NDRG3: variants seen among roughly 807,000 people sequenced by gnomAD.
The protein encoded by NDRG3 is protein NDRG3.
In NDRG3, 23 loss-of-function variants were observed where a neutral mutation model predicts 57.2. The observed-to-expected ratio is 0.40, with a 90% CI of 0.29 to 0.57. NDRG3 has a LOEUF of 0.57. NDRG3 is among the 20% of genes least tolerant of loss of function. The pLI is 0.42. For synonymous variants in NDRG3, 132 were observed against 162.6 expected (o/e 0.81, Z 1.43); for missense variants, 384 against 457.3 (o/e 0.84, Z 1.46).
At chr20:36,727,047 G>T (rs1984981071) in intron 1 of NDRG3, among the ~76,000 whole-genome samples, 1 of 151,788 alleles carries the variant, frequency 6.6e-6, no homozygotes. Context: ...CTCCCAAGTA[G>T]CTGGGACTAT....
chr20:36,731,603 C>T (rs761326792), intron 1 of NDRG3, among the ~76,000 whole-genome samples: 5 of 150,916 alleles, frequency 3.3e-5, no homozygotes, highest in Non-Finnish European at 7.4e-5. Flanking sequence ...GTCAGGAGAT[C>T]GAGACCATCC....
chr20:36,727,743 G>T (rs542066591), intron 1 of NDRG3, among the ~76,000 whole-genome samples: 1 of 151,546 alleles, frequency 6.6e-6, no homozygotes, highest in Non-Finnish European at 1.5e-5. Context: ...GAGTTTCACC[G>T]TGTTAGCCAG....
chr20:36,721,861 C>A (rs1264648620), intron 1 of NDRG3, 78 bp from the exon 2 acceptor site: 7 of 652,932 alleles, frequency 1.1e-5, no homozygotes, highest in Admixed American at 8.3e-5. Context: ...TACACCCATT[C>A]ATTCAAATAT....
intron 3 of NDRG3, among the ~76,000 whole-genome samples, chr20:36,698,958 T>C (rs1460127154): frequency 3.3e-5 from 5 of 152,178 alleles, no homozygotes; most frequent in African/African-American, 9.6e-5. Context: ...CATATATATT[T>C]AGAGACAGGA....
At position 36,666,333 on chromosome 20, in the gene NDRG3, G is replaced by A; in HGVS notation, c.648C>T (p.Asp216=). 6.2e-7 allele frequency: 1 copy of A among 1,614,178 alleles called. No homozygotes were observed. The highest frequency in any genetic ancestry group is 8.5e-7 in the Non-Finnish European group (1 of 1,179,988). The change falls in exon 10 of 16, where the codon GAC becomes GAT. Residue 216 remains aspartate, a synonymous_variant. Coordinates refer to ENST00000349004, the MANE Select transcript of NDRG3 (RefSeq NM_032013.4). The part of the protein sequence containing the change: ...IQTYRMHIAQ[D]INQDNLQLFL... ...AGAGCTGCAGGTTGTCTTGGTTGAT[G>A]TCTTGGGCAATATGCATTCTGTAGG...
chr20:36,745,636 C>A (rs1304201814), intron 1 of NDRG3, among the ~76,000 whole-genome samples: 2 of 152,234 alleles, frequency 1.3e-5, no homozygotes, highest in Non-Finnish European at 2.9e-5. Flanking sequence ...CACGGCCCCT[C>A]TTCCAAGCAT....
chr20:36,729,628 A>C (rs1838524566), intron 1 of NDRG3, among the ~76,000 whole-genome samples: 1 of 152,054 alleles, frequency 6.6e-6, no homozygotes, highest in Non-Finnish European at 1.5e-5. Context: ...TCCAGGCTCA[A>C]GCCATTCTCT....
rs934087401 is a variant in NDRG3 at position 36,724,018 on chromosome 20, A to G, written c.-48-2235T>C. ...CACTGCGCCCGGCCTAGTGTACTAT[A>G]TTAATCCACTTTTCTGTTTACCTTC... On this transcript the variant is annotated intron_variant, in intron 1 of 15. Coordinates refer to ENST00000349004, the MANE Select transcript of NDRG3 (RefSeq NM_032013.4). Among the ~76,000 whole-genome samples the G allele has an allele frequency of 5.3e-5, 8 of 152,162 alleles. No individual in the cohort carries two copies. In the South Asian group the frequency reaches 1.2e-3, roughly 24 times the overall value.
rs937080982 is a variant in NDRG3, at chr20:36,674,292, C to T, written c.532-2895G>A. On this transcript the variant is annotated intron_variant, in intron 8 of 15. Transcript: ENST00000349004. ...TTGACTCACTGCAAACTTTGCCTCCCGGGTTCAAGTGATTCTCCTCCTACC... is the reference window on the plus strand; with the variant it reads ...TTGACTCACTGCAAACTTTGCCTCCTGGGTTCAAGTGATTCTCCTCCTACC... 9.3e-5 allele frequency among the ~76,000 whole-genome samples: 14 copies of T among 151,058 alleles called. No homozygotes were observed. The East Asian group carries it at 1.6e-3, about 17-fold the overall frequency.
rs1252453430 is a variant in NDRG3, at chr20:36,739,133, TCAAAAAAAAAA to T, written c.-49+6901_-49+6911del. 1.5e-3 allele frequency among the ~76,000 whole-genome samples: 47 copies of T among 31,518 alleles called. 1 individual carries two copies. The East Asian group carries it at 0.037, about 25-fold the overall frequency. 20.7% of individuals were successfully genotyped at this position (31,518 alleles called of 152,430 possible). ...CTGGGTGACAAAACGAGACCCCATC[TCAAAAAAAAAA>T]AAAAAAAAAAAAAAAAAAAAAAGGC... is the stretch of plus-strand genomic sequence containing the variant. On this transcript the variant is annotated intron_variant, in intron 1 of 15. Transcript: ENST00000349004.
At chr20:36,745,547 C>T (rs1267811700) in intron 1 of NDRG3, among the ~76,000 whole-genome samples, 2 of 152,212 alleles carry the variant, frequency 1.3e-5, no homozygotes, top group African/African-American at 4.8e-5. Context: ...TAAGAAGCCT[C>T]TCCCCGGTAG....
At chr20:36,670,959 T>C (rs183252562) in intron 9 of NDRG3, among the ~76,000 whole-genome samples, 6 of 152,350 alleles carry the variant, frequency 3.9e-5, no homozygotes, top group African/African-American at 1.4e-4. Flanking sequence ...TTGAACAAGA[T>C]AATCTCTAAG....
intron 2 of NDRG3, among the ~76,000 whole-genome samples, chr20:36,715,006 GTATATATATATATATATATATATATA>G (rs545495779): frequency 9.0e-4 from 24 of 26,712 alleles, no homozygotes; most frequent in African/African-American, 1.4e-3. Context: ...GTGTGTGTGT[GTATATATATATATATATATATATATA>G]TATATATATA....
At chr20:36,665,339 A>G in intron 10 of NDRG3, 38 bp from the exon 11 acceptor site, 3 of 1,590,444 alleles carry the variant, frequency 1.9e-6, no homozygotes, top group Non-Finnish European at 2.6e-6. Flanking sequence ...CTTTTTGGGT[A>G]AAGTCATAGC....
intron 15 of NDRG3, chr20:36,654,722 G>A: frequency 1.3e-6 from 1 of 774,132 alleles, no homozygotes; most frequent in Non-Finnish European, 2.4e-6. Flanking sequence ...TGCATAGGAA[G>A]ACCGCGGACA....
chr20:36,684,342 G>A lies in NDRG3; in HGVS notation c.383+71C>T, dbSNP rs929016668. 2.3e-6 allele frequency: 3 copies of A among 1,308,538 alleles called. No homozygotes were observed. The African/African-American group carries it at 4.4e-5, about 19-fold the overall frequency. The allele number at this position is 1,308,538 out of a possible 1,614,324, so 81.1% of individuals were successfully genotyped here. On this transcript the variant is annotated intron_variant, in intron 6 of 15. Transcript: ENST00000349004. ...ATTTTTCCTAACCATCATATCCTCT[G>A]AAACAGACACTAAATAATTCACCAT...
chr20:36,716,566 T>C (rs1464243887), intron 2 of NDRG3, among the ~76,000 whole-genome samples: 1 of 151,810 alleles, frequency 6.6e-6, no homozygotes, highest in Non-Finnish European at 1.5e-5. Flanking sequence ...CCTCACTTTC[T>C]ACTGTAACAA....
At position 36,688,725 on chromosome 20, in the gene NDRG3, T is replaced by G; in HGVS notation, c.153A>C (p.Lys51Asn). The change falls in exon 4 of 16, where the codon AAA becomes AAC. Residue 51 changes from lysine (K) to asparagine (N), a missense_variant. Physicochemically the swap from Lys to Asn is moderately conservative, Grantham distance 94. Transcript: ENST00000349004. ...ATGTTAGTATAACTGGTCTGTTTCCTTTGGGTAAGCCTCTTATAGTGACGT... is the reference window on the plus strand; with the variant it reads ...ATGTTAGTATAACTGGTCTGTTTCCGTTGGGTAAGCCTCTTATAGTGACGT... ...VVHVTIRGLP[K>N]GNRPVILTYH... is the part of the protein sequence containing the mutation. 1 of 1,614,084 alleles carries G rather than the reference T, an allele frequency of 6.2e-7. No homozygotes were observed. Among genetic ancestry groups the G allele is most frequent in the Non-Finnish European group, 8.5e-7 (1 of 1,179,890 alleles).
At chr20:36,701,317 A>G (rs918011770) in intron 3 of NDRG3, among the ~76,000 whole-genome samples, 6 of 152,052 alleles carry the variant, frequency 3.9e-5, no homozygotes, top group African/African-American at 1.4e-4. Context: ...TGAGAGTATC[A>G]CTTGAGGCCA....
Sources: allele counts gnomAD v4.1 joint callset (sites outside exome capture counted in the v4.1 genomes callset), GRCh38; gene constraint gnomAD v4.1.1; transcripts MANE v1.5; gene names NCBI Gene and HGNC (gene_info 2026-07-23, HGNC 2026-07-21).